Variants in AKR1D1 observed in about 807,000 individuals in gnomAD.
The protein encoded by AKR1D1 is aldo-keto reductase family 1 member D1.
AKR1D1 carries 32 observed loss-of-function variants against 42.6 expected under a neutral mutation model. The observed-to-expected ratio is 0.75, with a 90% CI of 0.57 to 1.01. The LOEUF (loss-of-function observed/expected upper bound fraction) is 1.01, where lower values mean the gene tolerates loss of function less well. Among genes scored for constraint, AKR1D1 ranks in the 50% least tolerant of loss-of-function variants. The pLI, the probability that AKR1D1 is intolerant of heterozygous loss-of-function variation, is 0.00. For synonymous variants in AKR1D1, 123 were observed against 135.5 expected, an observed-to-expected ratio of 0.91 and a Z score of 0.64; for missense variants, 364 against 402.2, an observed-to-expected ratio of 0.91 and a Z score of 0.81.
At chr7:138,084,846 A>G (rs1803135903) in intron 1 of AKR1D1, among the ~76,000 whole-genome samples, 1 of 152,046 alleles carries the variant, frequency 6.6e-6, no homozygotes, top group Non-Finnish European at 1.5e-5. Context: ...TCACAAGGTC[A>G]AGAGATCGAG....
intron 8 of AKR1D1, among the ~76,000 whole-genome samples, chr7:138,114,320 G>A (rs571229390): frequency 9.2e-5 from 14 of 152,152 alleles, no homozygotes; most frequent in Non-Finnish European, 1.5e-4. Context: ...GTCAAGTTCA[G>A]CTAACCAACT....
At chr7:138,094,989 C>T (rs1794157047) in intron 3 of AKR1D1, among the ~76,000 whole-genome samples, 1 of 152,092 alleles carries the variant, frequency 6.6e-6, no homozygotes, top group Non-Finnish European at 1.5e-5. Flanking sequence ...GAGTCAATAG[C>T]ATAGATTTTT....
At chr7:138,113,809 G>A (rs769722522) in intron 8 of AKR1D1, 37 bp downstream of exon 8, 26 of 1,550,666 alleles carry the variant, frequency 1.7e-5, no homozygotes, top group Non-Finnish European at 2.2e-5. Flanking sequence ...ATTGACCAGT[G>A]GTATTGAATG....
intron 4 of AKR1D1, among the ~76,000 whole-genome samples, chr7:138,101,187 C>CCTTCCTT (rs1562935851): frequency 9.2e-5 from 1 of 10,818 alleles, no homozygotes; most frequent in Non-Finnish European, 2.0e-4. Flanking sequence ...CTCCCTCCCT[C>CCTTCCTT]CCTCCCTTCC....
chr7:138,110,672 G>T (rs576447634), intron 7 of AKR1D1, among the ~76,000 whole-genome samples: 1 of 152,228 alleles, frequency 6.6e-6, no homozygotes, highest in South Asian at 2.1e-4. Flanking sequence ...AGAATCGCTT[G>T]AACTAGGGAT....
chr7:138,095,404 G>A (rs1013066639), intron 3 of AKR1D1, among the ~76,000 whole-genome samples: 1 of 152,228 alleles, frequency 6.6e-6, no homozygotes, highest in African/African-American at 2.4e-5. Flanking sequence ...GGAGATGGGA[G>A]GAAGTTGAAA....
rs886062007 is a variant in AKR1D1, at chr7:138,117,559, T to G, written c.*897T>G. ...AAGATTATTGTACTTAAGACTTTAA[T>G]AGTGTTACTTGGATAGCTTATATGA... On this transcript the variant is annotated 3_prime_UTR_variant, in exon 9 of 9. Coordinates refer to ENST00000242375, the MANE Select transcript of AKR1D1 (RefSeq NM_005989.4). 1 of 152,238 alleles carries G rather than the reference T, an allele frequency of 6.6e-6. No individual in the cohort carries two copies. Among genetic ancestry groups the G allele is most frequent in the Non-Finnish European group, 1.5e-5 (1 of 68,034 alleles). 9.4% of individuals were successfully genotyped at this position (152,238 alleles called of 1,614,324 possible).
chr7:138,109,357 T>C (rs1794493933), intron 7 of AKR1D1, among the ~76,000 whole-genome samples: 1 of 152,228 alleles, frequency 6.6e-6, no homozygotes, highest in Non-Finnish European at 1.5e-5. Context: ...GTCCTCTCTC[T>C]CTCTCCCTCC....
chr7:138,117,973 A>T lies in AKR1D1; in HGVS notation c.*1311A>T, dbSNP rs188138947. ...GGAGGAGCTTGCAGTGAGCCGAGAT[A>T]GCGCCACTGCAGTCCGGCCTGGGTG... On this transcript the variant is annotated 3_prime_UTR_variant, in exon 9 of 9. Coordinates refer to ENST00000242375, the MANE Select transcript of AKR1D1 (RefSeq NM_005989.4). The T allele has an allele frequency of 6.6e-6, 1 of 152,090 alleles. No homozygotes were observed. Among genetic ancestry groups the T allele is most frequent in the South Asian group, 2.1e-4 (1 of 4,822 alleles). 9.4% of individuals were successfully genotyped at this position (152,090 alleles called of 1,614,324 possible).
Position 138,106,601 on chromosome 7 carries a change from C to G in AKR1D1, c.580-7C>G. The G allele has an allele frequency of 6.2e-7, 1 of 1,612,134 alleles. No homozygotes were observed. The highest frequency in any genetic ancestry group is 8.5e-7 in the Non-Finnish European group (1 of 1,178,226). ...TTTGTGCTCTGCTCTCCAATGCAAC[C>G]ACATAGGTTGAGTGCCATCCGTATT... On this transcript the variant is annotated splice_region_variant and splice_polypyrimidine_tract_variant and intron_variant, in intron 5 of 8. Coordinates refer to ENST00000242375, the MANE Select transcript of AKR1D1 (RefSeq NM_005989.4).
chr7:138,113,052 C>T lies in AKR1D1; in HGVS notation c.856-638C>T, dbSNP rs548429958. Among the ~76,000 whole-genome samples the T allele has an allele frequency of 3.3e-5, 5 of 152,304 alleles. No homozygotes were observed. The South Asian group carries it at 6.2e-4, about 19-fold the overall frequency. On this transcript the variant is annotated intron_variant, in intron 7 of 8. Coordinates refer to ENST00000242375, the MANE Select transcript of AKR1D1 (RefSeq NM_005989.4). Reference sequence around the variant, plus strand: ...AATTTAGGCCAGGCGTGGTGAGGCTCATGCCTGTAATTGCAGCACTTTGGG... The same window carrying T: ...AATTTAGGCCAGGCGTGGTGAGGCTTATGCCTGTAATTGCAGCACTTTGGG...
chr7:138,097,882 A>G lies in AKR1D1; in HGVS notation c.395A>G (p.Tyr132Cys). ...TTTTTTCAGCCAGGAGATGAAATAT[A>G]CCCTAGAGATGAGAATGGCAAATGG... is the stretch of plus-strand genomic sequence containing the variant. The part of the protein sequence containing the change: ...PMAFKPGDEI[Y>C]PRDENGKWLY... The change falls in exon 4 of 9, where the codon TAC becomes TGC. Residue 132 changes from tyrosine to cysteine, a missense_variant. Transcript: ENST00000242375. 2 of 1,606,306 alleles carry G rather than the reference A, an allele frequency of 1.2e-6. No homozygotes were observed. Among genetic ancestry groups the G allele is most frequent in the African/African-American group, 1.3e-5 (1 of 74,344 alleles).
intron 4 of AKR1D1, among the ~76,000 whole-genome samples, chr7:138,104,027 T>C (rs1207314609): frequency 6.6e-6 from 1 of 151,992 alleles, no homozygotes; most frequent in Non-Finnish European, 1.5e-5. Context: ...GTAGTCCAGC[T>C]ACTCAAGAGG....
chr7:138,116,535 G>T, intron 8 of AKR1D1, 85 bp from the exon 9 acceptor site: 1 of 1,448,798 alleles, frequency 6.9e-7, no homozygotes, highest in Non-Finnish European at 9.7e-7. Context: ...GTAGTGGTCA[G>T]TGAAATTCTC....
At chr7:138,091,672 A>C in intron 2 of AKR1D1, 96 bp from the exon 3 acceptor site, 1 of 1,025,566 alleles carries the variant, frequency 9.8e-7, no homozygotes, top group East Asian at 2.4e-5. Context: ...TCTCAAAAAA[A>C]AAAAATGTGT....
At chr7:138,113,857 C>T (rs1317393278) in intron 8 of AKR1D1, 85 bp downstream of exon 8, 4 of 1,223,814 alleles carry the variant, frequency 3.3e-6, no homozygotes, top group African/African-American at 3.0e-5. Context: ...AGAACCCTGA[C>T]CTATGTCCAT....
intron 1 of AKR1D1, among the ~76,000 whole-genome samples, chr7:138,087,161 C>A (rs1042907820): frequency 6.6e-6 from 1 of 152,190 alleles, no homozygotes; most frequent in African/African-American, 2.4e-5. Context: ...AGGGCCCAGT[C>A]TCTCACTTCC....
chr7:138,076,560 T>C lies in AKR1D1; in HGVS notation c.42T>C (p.Asp14=). The change falls in exon 1 of 9, where the codon GAT becomes GAC. Residue 14 remains aspartate, a synonymous_variant. Transcript: ENST00000242375. ...SAASHRIPLS[D]GNSIPIIGLG... The stretch of plus-strand genomic sequence containing the variant: ...CAAGTCACCGCATACCTCTAAGTGA[T>C]GGAAACAGCATTCCCATCATCGGAC... The C allele has an allele frequency of 6.2e-7, 1 of 1,613,640 alleles. No homozygotes were observed. Among genetic ancestry groups the C allele is most frequent in the East Asian group, 2.2e-5 (1 of 44,844 alleles).
intron 4 of AKR1D1, among the ~76,000 whole-genome samples, chr7:138,100,132 T>C (rs1324612199): frequency 4.1e-5 from 3 of 73,364 alleles, no homozygotes; most frequent in Non-Finnish European, 8.6e-5. Context: ...AAAGAGAAAA[T>C]GTTAAAACTT....
Sources: allele counts gnomAD v4.1 joint callset (sites outside exome capture counted in the v4.1 genomes callset), GRCh38; gene constraint gnomAD v4.1.1; transcripts MANE v1.5; gene names NCBI Gene and HGNC (gene_info 2026-07-23, HGNC 2026-07-21).